FZD3: variants seen among roughly 807,000 people sequenced by gnomAD.
FZD3 encodes the protein frizzled-3.
FZD3 carries 30 observed loss-of-function variants against 60.7 expected under a neutral mutation model. That is an observed-to-expected ratio of 0.49 (90% CI 0.37 to 0.67). FZD3 has a LOEUF of 0.67. Ranked by LOEUF, FZD3 falls within the 30% of genes least tolerant of loss-of-function variation. FZD3 has a pLI of 0.00. For missense variants in FZD3, 605 were observed against 838.7 expected, an observed-to-expected ratio of 0.72 and a Z score of 3.44; for synonymous variants, 246 against 275.2, an observed-to-expected ratio of 0.89 and a Z score of 1.05.
intron 1 of FZD3, among the ~76,000 whole-genome samples, chr8:28,494,746 C>G (rs930626979): frequency 6.6e-6 from 1 of 152,024 alleles, no homozygotes; most frequent in Non-Finnish European, 1.5e-5. Flanking sequence ...CCGGCTCAGA[C>G]CCTGCGCGGC....
intron 7 of FZD3, among the ~76,000 whole-genome samples, chr8:28,557,816 C>G (rs1246004648): frequency 6.6e-6 from 1 of 152,136 alleles, no homozygotes; most frequent in Non-Finnish European, 1.5e-5. Flanking sequence ...AAGCATTCTT[C>G]TAAGTGCTAG....
In FZD3 at chr8:28,527,726, A is replaced by C; in HGVS notation, c.966A>C (p.Glu322Asp). The C allele has an allele frequency of 6.2e-7, 1 of 1,614,148 alleles. No individual in the cohort carries two copies. Among genetic ancestry groups the C allele is most frequent in the Non-Finnish European group, 8.5e-7 (1 of 1,179,998 alleles). ...CAGCTGTGCCAAAGTGGGGTAGTGA[A>C]GCTATTGAGAAGAAAGCATTGCTGT... ...FLAAVPKWGS[E>D]AIEKKALLFH... The change falls in exon 5 of 8, where the codon GAA (glutamate) becomes GAC (aspartate). Residue 322 changes from glutamate to aspartate, a missense_variant. By Grantham distance (45) the Glu-to-Asp change is conservative. Transcript: ENST00000240093. This position sits in a 1 kb window ranked among gnomAD's most constrained non-coding sequence, Gnocchi z 5.0.
Position 28,527,187 on chromosome 8 carries a change from C to T in FZD3, c.427C>T (p.Leu143=). 1 of 1,613,220 alleles carries T rather than the reference C, an allele frequency of 6.2e-7. No individual in the cohort carries two copies. The part of the protein sequence containing the change: ...CDEPYPRLVD[L]NLAGEPTEGA... ...TGAGCCATATCCTCGACTTGTGGAT[C>T]TGAATTTAGCTGGAGAACCAACTGA... The change falls in exon 5 of 8, where the codon CTG becomes TTG. Residue 143 remains leucine, a synonymous_variant. Coordinates refer to ENST00000240093, the MANE Select transcript of FZD3 (RefSeq NM_017412.4). This position sits in a 1 kb window ranked among gnomAD's most constrained non-coding sequence, Gnocchi z 5.0.
intron 4 of FZD3, among the ~76,000 whole-genome samples, chr8:28,522,767 CTTT>C (rs35662589): frequency 2.3e-4 from 22 of 96,852 alleles, no homozygotes; most frequent in African/African-American, 6.8e-4. Context: ...AGGGAACTTT[CTTT>C]TTTTTTTTTT....
chr8:28,546,981 A>G (rs1805310064), intron 5 of FZD3, among the ~76,000 whole-genome samples: 1 of 152,176 alleles, frequency 6.6e-6, no homozygotes, highest in Non-Finnish European at 1.5e-5. Flanking sequence ...AAAAAAAAAA[A>G]AAAAGTTTTT....
At chr8:28,524,884 T>C (rs111291122) in intron 4 of FZD3, among the ~76,000 whole-genome samples, 3,434 of 152,314 alleles carry the variant, frequency 0.023, 66 homozygotes, top group Non-Finnish European at 0.032. Flanking sequence ...GTAAAATTGA[T>C]TTTACTTCTT....
intron 5 of FZD3, among the ~76,000 whole-genome samples, chr8:28,545,543 G>C (rs1361450556): frequency 6.6e-6 from 1 of 152,168 alleles, no homozygotes; most frequent in Admixed American, 6.5e-5. Flanking sequence ...GTCTTTTCCA[G>C]CCATCCTAGC....
chr8:28,522,825 C>A (rs1309644540), intron 4 of FZD3, among the ~76,000 whole-genome samples: 2 of 135,886 alleles, frequency 1.5e-5, no homozygotes, highest in Non-Finnish European at 3.0e-5. Context: ...GGCTGGAGTG[C>A]AGTGGCGTGA....
chr8:28,526,164 A>G (rs1013556586), intron 4 of FZD3, among the ~76,000 whole-genome samples: 1 of 149,666 alleles, frequency 6.7e-6, no homozygotes, highest in Non-Finnish European at 1.5e-5. Context: ...TAGTGTTTGC[A>G]TGGTTTTAAA....
intron 1 of FZD3, among the ~76,000 whole-genome samples, chr8:28,498,190 G>A (rs11775139): frequency 0.53 from 80,306 of 151,938 alleles, 22,064 homozygotes; most frequent in South Asian, 0.64. Context: ...CCCATACAAA[G>A]GGCGTGAGCA....
chr8:28,526,713 T>TAAAGTTATGTATGTGTTTGGC (rs1804722454), intron 4 of FZD3, among the ~76,000 whole-genome samples: 1 of 152,216 alleles, frequency 6.6e-6, no homozygotes, highest in Non-Finnish European at 1.5e-5. Flanking sequence ...AGCTACAGCA[T>TAAAGTTATGTATGTGTTTGGC]AAAGTTATGT....
intron 3 of FZD3, among the ~76,000 whole-genome samples, chr8:28,518,089 T>C (rs987678164): frequency 5.3e-5 from 8 of 152,158 alleles, no homozygotes; most frequent in African/African-American, 1.9e-4. Flanking sequence ...CCAGGCTGAA[T>C]GTAGTGATGT....
rs537053013 is a variant in FZD3, at chr8:28,525,381, A to T, written c.387-1766A>T. 3.2e-4 allele frequency among the ~76,000 whole-genome samples: 49 copies of T among 152,338 alleles called. No homozygotes were observed. The South Asian group carries it at 9.9e-3, about 31-fold the overall frequency. ...GGAGAGCAGAGGGATTCTATTTTCT[A>T]TAGAGTCTTTGGAGAAGGCCTTATT... On this transcript the variant is annotated intron_variant, in intron 4 of 7. Coordinates refer to ENST00000240093, the MANE Select transcript of FZD3 (RefSeq NM_017412.4).
chr8:28,562,212 A>T (rs1335667797), intron 7 of FZD3, among the ~76,000 whole-genome samples: 1 of 152,242 alleles, frequency 6.6e-6, no homozygotes, highest in Non-Finnish European at 1.5e-5. Flanking sequence ...AGAAGTAATT[A>T]AGATAATTTA....
intron 5 of FZD3, among the ~76,000 whole-genome samples, chr8:28,538,868 A>G (rs947967963): frequency 2.0e-5 from 3 of 149,444 alleles, no homozygotes; most frequent in Non-Finnish European, 4.4e-5. Flanking sequence ...TTATATATAT[A>G]TAATATATTT....
intron 5 of FZD3, among the ~76,000 whole-genome samples, chr8:28,530,089 CTGTGTGTGTG>C (rs59022036): frequency 0.026 from 3,534 of 138,546 alleles, 64 homozygotes; most frequent in South Asian, 0.028. Context: ...TGAAATATAT[CTGTGTGTGTG>C]TGTGTGTGTG....
intron 3 of FZD3, among the ~76,000 whole-genome samples, chr8:28,509,267 A>G (rs184925566): frequency 9.9e-5 from 15 of 151,874 alleles, no homozygotes; most frequent in Admixed American, 3.9e-4. Flanking sequence ...CCTTCCACCT[A>G]AAGGCAGTCA....
Position 28,565,600 on chromosome 8 carries a change from A to G in FZD3, c.*2589A>G, listed in dbSNP as rs1805691900. ...CAGTTAAGTGAACATCACTATGAAA[A>G]TCTTAACTTTGTGCTTCTAGATTTT... is the stretch of plus-strand genomic sequence containing the variant. On this transcript the variant is annotated 3_prime_UTR_variant, in exon 8 of 8. Coordinates refer to ENST00000240093, the MANE Select transcript of FZD3 (RefSeq NM_017412.4). 1 of 152,148 alleles carries G rather than the reference A, an allele frequency of 6.6e-6. No homozygotes were observed. Among genetic ancestry groups the G allele is most frequent in the African/African-American group, 2.4e-5 (1 of 41,454 alleles). 9.4% of individuals were successfully genotyped at this position (152,148 alleles called of 1,614,324 possible).
chr8:28,498,008 G>A (rs1803888071), intron 1 of FZD3, among the ~76,000 whole-genome samples: 1 of 152,176 alleles, frequency 6.6e-6, no homozygotes, highest in South Asian at 2.1e-4. Context: ...ATAAATAATG[G>A]TTGGAAATAT....
Sources: allele counts gnomAD v4.1 joint callset (sites outside exome capture counted in the v4.1 genomes callset), GRCh38; gene constraint gnomAD v4.1.1; non-coding constraint Gnocchi (gnomAD v3.1); transcripts MANE v1.5; gene names NCBI Gene and HGNC (gene_info 2026-07-23, HGNC 2026-07-21).